The following XKR7 variants were observed in gnomAD, a reference collection of about 807,000 sequenced individuals.
The protein encoded by XKR7 is XK related 7, also known as XK-related protein 7.
XKR7 carries 11 observed loss-of-function variants against 42.2 expected under a neutral mutation model. The observed-to-expected ratio is 0.26, with a 90% CI of 0.16 to 0.43. The LOEUF is 0.43. Ranked by LOEUF, XKR7 falls within the 20% of genes least tolerant of loss-of-function variation. The pLI, the probability that XKR7 is intolerant of heterozygous loss-of-function variation, is 1.00. For missense variants in XKR7, 710 were observed against 802.2 expected (o/e 0.89, Z 1.39); for synonymous variants, 346 against 366.4 (o/e 0.94, Z 0.64).
chr20:31,969,176 T>TG (rs1425197759), intron 1 of XKR7, among the ~76,000 whole-genome samples: 3 of 152,244 alleles, frequency 2.0e-5, no homozygotes, highest in African/African-American at 7.2e-5. Context: ...AGTCCTTTCC[T>TG]GCTCGCAAAG....
intron 1 of XKR7, among the ~76,000 whole-genome samples, chr20:31,978,208 C>T (rs1003181412): frequency 2.6e-5 from 4 of 152,152 alleles, no homozygotes; most frequent in Admixed American, 6.5e-5. Flanking sequence ...CAGACTCAAG[C>T]GATCCTCCTG....
chr20:31,974,488 T>TG (rs2064477084), intron 1 of XKR7, among the ~76,000 whole-genome samples: 1 of 152,232 alleles, frequency 6.6e-6, no homozygotes, highest in Non-Finnish European at 1.5e-5. Context: ...GACTTGTCTG[T>TG]GCCTTGATTT....
chr20:31,995,145 T>G lies in XKR7; in HGVS notation c.662T>G (p.Met221Arg), dbSNP rs2064585410. ...CTGCGGCGCCACTTCTACTGGCAGATGCTGTTCGAGAGCGCCGACGTGAGC... is the reference window on the plus strand; with the variant it reads ...CTGCGGCGCCACTTCTACTGGCAGAGGCTGTTCGAGAGCGCCGACGTGAGC... Reference protein sequence around the residue: ...ERLRRHFYWQMLFESADVSML... With the variant: ...ERLRRHFYWQRLFESADVSML... Residue 221 changes from methionine (M) to arginine (R), a missense_variant, in exon 2 of 3, where the codon ATG becomes AGG. Met to Arg is a moderately conservative substitution (Grantham distance 91). Around this residue, in one of 2 missense-constraint regions of XKR7, gnomAD observed 708 missense variants for 786.2 expected, o/e 0.90. Coordinates refer to ENST00000562532, the MANE Select transcript of XKR7 (RefSeq NM_001011718.2). This position sits in a 1 kb window ranked among gnomAD's most constrained non-coding sequence, Gnocchi z 4.1. 6.4e-7 allele frequency: 1 copy of G among 1,558,802 alleles called. No individual in the cohort carries two copies. Among genetic ancestry groups the G allele is most frequent in the African/African-American group, 1.4e-5 (1 of 73,628 alleles).
At chr20:31,970,271 C>T (rs897592175) in intron 1 of XKR7, 1 of 152,178 alleles carries the variant, frequency 6.6e-6, no homozygotes, top group Non-Finnish European at 1.5e-5. Context: ...AGCTTCATCC[C>T]CCTTTTCCTT....
chr20:31,993,527 C>G, intron 1 of XKR7, among the ~76,000 whole-genome samples: 1 of 152,118 alleles, frequency 6.6e-6, no homozygotes, highest in East Asian at 1.9e-4. Flanking sequence ...CCTTCTATAC[C>G]CCCTATAGGG....
chr20:31,976,807 C>A (rs1418461460), intron 1 of XKR7, among the ~76,000 whole-genome samples: 2 of 152,244 alleles, frequency 1.3e-5, no homozygotes, highest in East Asian at 1.9e-4. Flanking sequence ...CAGCACTGAT[C>A]ACATTTTGTT....
chr20:31,989,904 C>CA (rs2064561879), intron 1 of XKR7, among the ~76,000 whole-genome samples: 1 of 152,234 alleles, frequency 6.6e-6, no homozygotes, highest in Admixed American at 6.5e-5. Flanking sequence ...TGAGCCGCCA[C>CA]ACCTGGCCTG....
At chr20:31,986,575 G>C (rs1174579086) in intron 1 of XKR7, among the ~76,000 whole-genome samples, 1 of 105,866 alleles carries the variant, frequency 9.4e-6, no homozygotes. Flanking sequence ...CCACCAAGCA[G>C]ACCCAGCATC....
At chr20:31,969,911 C>A (rs1448825920) in intron 1 of XKR7, among the ~76,000 whole-genome samples, 1 of 152,174 alleles carries the variant, frequency 6.6e-6, no homozygotes, top group Non-Finnish European at 1.5e-5. Context: ...ACACATTCTG[C>A]CTAACTCAGA....
intron 1 of XKR7, among the ~76,000 whole-genome samples, chr20:31,984,979 T>C (rs1386567141): frequency 1.3e-5 from 2 of 152,146 alleles, no homozygotes; most frequent in African/African-American, 2.4e-5. Context: ...CTTCGAAGAT[T>C]TGTTAAGAGG....
chr20:31,997,781 GC>G lies in XKR7; in HGVS notation c.*328del. On this transcript the variant is annotated 3_prime_UTR_variant, in exon 3 of 3. Transcript: ENST00000562532. ...CCCTGCCTGGCGTTGCCCATGTGTT[GC>G]CCCTGCTGGACTTGCCAGAGAAAGG... is the stretch of plus-strand genomic sequence containing the variant. The G allele has an allele frequency of 3.0e-6, 1 of 328,972 alleles. No homozygotes were observed. Among genetic ancestry groups the G allele is most frequent in the East Asian group, 6.0e-5 (1 of 16,602 alleles). The allele number at this position is 328,972 out of a possible 1,614,324, so 20.4% of individuals were successfully genotyped here. A position where few individuals can be genotyped will look rare whatever the true frequency, so the allele number is the denominator to read the frequency against.
intron 1 of XKR7, among the ~76,000 whole-genome samples, chr20:31,978,886 G>A (rs1238836060): frequency 6.6e-6 from 1 of 152,162 alleles, no homozygotes; most frequent in Non-Finnish European, 1.5e-5. Flanking sequence ...TGTAATCCCA[G>A]CACTTTGGGA....
Position 31,995,731 on chromosome 20 carries a change from G to A in XKR7, c.787+461G>A, listed in dbSNP as rs763133750. On this transcript the variant is annotated intron_variant, in intron 2 of 2. Coordinates refer to ENST00000562532, the MANE Select transcript of XKR7 (RefSeq NM_001011718.2). This position sits in a 1 kb window ranked among gnomAD's most constrained non-coding sequence, Gnocchi z 4.1. ...TCCAGAGAGCCTACCCCTTCACTGGGGGGCCCCGGGGGGCCCTCCCAGGCC... is the reference window on the plus strand; with the variant it reads ...TCCAGAGAGCCTACCCCTTCACTGGAGGGCCCCGGGGGGCCCTCCCAGGCC... 2.2e-4 allele frequency among the ~76,000 whole-genome samples: 34 copies of A among 151,712 alleles called. No individual in the cohort carries two copies. The highest frequency in any genetic ancestry group is 3.8e-4 in the Non-Finnish European group (26 of 67,874).
chr20:31,996,592 G>A lies in XKR7; in HGVS notation c.875G>A (p.Arg292Gln), dbSNP rs140532579. Residue 292 changes from arginine to glutamine, a missense_variant, in exon 3 of 3, where the codon CGG becomes CAG. Physicochemically the swap from Arg to Gln is conservative, Grantham distance 43 (BLOSUM62 1). Coordinates refer to ENST00000562532, the MANE Select transcript of XKR7 (RefSeq NM_001011718.2). The stretch of plus-strand genomic sequence containing the variant: ...CTGCGGGACTCGCGGGACGACAAGC[G>A]GCCGCTGTCCTACAAGGGCGCCGTG... ...KVLRDSRDDK[R>Q]PLSYKGAVAQ... The A allele has an allele frequency of 3.6e-4, 558 of 1,547,904 alleles. 1 individual carries two copies. Among genetic ancestry groups the A allele is most frequent in the Non-Finnish European group, 4.6e-4 (532 of 1,149,404 alleles).
At chr20:31,970,999 C>G (rs984708207) in intron 1 of XKR7, among the ~76,000 whole-genome samples, 2 of 152,204 alleles carry the variant, frequency 1.3e-5, no homozygotes, top group Non-Finnish European at 2.9e-5. Context: ...ACTCCAGGCT[C>G]TCTGCCTTTA....
In XKR7 at chr20:31,997,880, G is replaced by A. The variant is rs1568894971; in HGVS notation, c.*423G>A. ...TGGAGAGTGGGCTGCCTCTATGGTG[G>A]GAAAAGATCTCTGAGAAGGATGGAG... On this transcript the variant is annotated 3_prime_UTR_variant, in exon 3 of 3. Transcript: ENST00000562532. 1 of 178,062 alleles carries A rather than the reference G, an allele frequency of 5.6e-6. No individual in the cohort carries two copies. Among genetic ancestry groups the A allele is most frequent in the South Asian group, 1.4e-4 (1 of 7,270 alleles). 11.0% of individuals were successfully genotyped at this position (178,062 alleles called of 1,614,324 possible).
intron 2 of XKR7, 42 bp from the exon 3 acceptor site, chr20:31,996,463 G>GC: frequency 6.2e-5 from 2 of 32,484 alleles, no homozygotes; most frequent in Admixed American, 6.8e-4. Flanking sequence ...ACCCGAGCCC[G>GC]CCCCTAACCC....
In XKR7 at chr20:31,996,987, A is replaced by G; in HGVS notation, c.1270A>G (p.Ser424Gly). 2 of 1,614,128 alleles carry G rather than the reference A, an allele frequency of 1.2e-6. No individual in the cohort carries two copies. Among genetic ancestry groups the G allele is most frequent in the Non-Finnish European group, 1.7e-6 (2 of 1,180,036 alleles). ...CATCATGGTCTGCGTAGTGGCCTCC[A>G]GCTTTGCGCTGGGCATATTCTTCAT... ...SLIMVCVVAS[S>G]FALGIFFMCV... Residue 424 changes from serine to glycine, a missense_variant, in exon 3 of 3, where the codon AGC becomes GGC. Around this residue, in one of 2 missense-constraint regions of XKR7, gnomAD observed 708 missense variants for 786.2 expected, o/e 0.90. Coordinates refer to ENST00000562532, the MANE Select transcript of XKR7 (RefSeq NM_001011718.2).
intron 1 of XKR7, among the ~76,000 whole-genome samples, chr20:31,981,064 CA>C (rs1304530509): frequency 0.017 from 1,589 of 94,442 alleles, 12 homozygotes; most frequent in Middle Eastern, 0.023. Flanking sequence ...GACCCTGTCT[CA>C]AAAAAAAAAA....
Sources: allele counts gnomAD v4.1 joint callset (sites outside exome capture counted in the v4.1 genomes callset), GRCh38; gene constraint gnomAD v4.1.1; regional missense constraint gnomAD v4.1.1; non-coding constraint Gnocchi (gnomAD v3.1); transcripts MANE v1.5; gene names NCBI Gene and HGNC (gene_info 2026-07-23, HGNC 2026-07-21).